The following XKR4 variants were observed in gnomAD, a reference collection of about 807,000 sequenced individuals.
The protein encoded by XKR4 is XK related 4, also known as XK-related protein 4.
Under a neutral mutation model 53.9 loss-of-function variants are expected in XKR4, and 12 were observed. That is an observed-to-expected ratio of 0.22 (90% CI 0.14 to 0.36). The LOEUF (loss-of-function observed/expected upper bound fraction) is 0.36, where lower values mean the gene tolerates loss of function less well. Ranked by LOEUF, XKR4 falls within the 10% of genes least tolerant of loss-of-function variation. The pLI is 1.00. For missense variants in XKR4, 799 were observed against 859.5 expected (o/e 0.93, Z 0.88); for synonymous variants, 354 against 362.4 (o/e 0.98, Z 0.26).
chr8:55,229,962 T>C (rs1311045236), intron 1 of XKR4, among the ~76,000 whole-genome samples: 1 of 152,028 alleles, frequency 6.6e-6, no homozygotes, highest in Non-Finnish European at 1.5e-5. Flanking sequence ...GGCCTTGGCA[T>C]CGTCTTTGCT....
At chr8:55,188,336 T>C (rs1263978428) in intron 1 of XKR4, among the ~76,000 whole-genome samples, 3 of 152,192 alleles carry the variant, frequency 2.0e-5, no homozygotes, top group Non-Finnish European at 2.9e-5. Context: ...ATGGTGGGAA[T>C]TGAATTTACC....
chr8:55,215,733 G>T (rs993482755), intron 1 of XKR4, among the ~76,000 whole-genome samples: 4 of 152,036 alleles, frequency 2.6e-5, no homozygotes, highest in Admixed American at 6.6e-5. Context: ...CAGAAACTAG[G>T]ACAAGAACAT....
At chr8:55,149,978 A>T (rs1816820250) in intron 1 of XKR4, among the ~76,000 whole-genome samples, 1 of 152,152 alleles carries the variant, frequency 6.6e-6, no homozygotes, top group Non-Finnish European at 1.5e-5. Context: ...CAAGGGGAAA[A>T]CCTGCTCTTC....
At chr8:55,429,736 A>C (rs1805072657) in intron 2 of XKR4, among the ~76,000 whole-genome samples, 1 of 151,940 alleles carries the variant, frequency 6.6e-6, no homozygotes, top group South Asian at 2.1e-4. Flanking sequence ...CTTTCTGGAA[A>C]AAAAAAAAGA....
chr8:55,342,775 TG>T (rs1803575085), intron 1 of XKR4, among the ~76,000 whole-genome samples: 1 of 152,228 alleles, frequency 6.6e-6, no homozygotes, highest in Admixed American at 6.5e-5. Context: ...GCAAGCCCCG[TG>T]AAACTCCTTA....
intron 1 of XKR4, chr8:55,140,050 T>G: frequency 3.1e-6 from 1 of 319,192 alleles, no homozygotes; most frequent in South Asian, 2.6e-5. Context: ...CTGAGAAAGA[T>G]TCTCATCCTA....
intron 1 of XKR4, among the ~76,000 whole-genome samples, chr8:55,218,195 T>C (rs56158920): frequency 0.24 from 36,036 of 152,120 alleles, 4,730 homozygotes; most frequent in East Asian, 0.47. Flanking sequence ...ATCTGCACAA[T>C]GTCTTACAGC....
At chr8:55,369,452 C>A (rs111651058) in intron 2 of XKR4, among the ~76,000 whole-genome samples, 4 of 54,030 alleles carry the variant, frequency 7.4e-5, no homozygotes, top group Non-Finnish European at 1.3e-4. Context: ...AAAGGAGGAA[C>A]GGGAGGGAAA....
chr8:55,148,585 A>G (rs1816801847), intron 1 of XKR4, among the ~76,000 whole-genome samples: 1 of 152,196 alleles, frequency 6.6e-6, no homozygotes, highest in Non-Finnish European at 1.5e-5. Context: ...TGCATGTCAG[A>G]GCATGAGGTA....
chr8:55,150,675 T>G (rs991897422), intron 1 of XKR4, among the ~76,000 whole-genome samples: 21 of 152,162 alleles, frequency 1.4e-4, no homozygotes, highest in African/African-American at 2.9e-4. Context: ...ACAATTTTTT[T>G]TGTGTGGACA....
At chr8:55,386,462 A>T (rs1804316935) in intron 2 of XKR4, among the ~76,000 whole-genome samples, 1 of 152,236 alleles carries the variant, frequency 6.6e-6, no homozygotes, top group African/African-American at 2.4e-5. Context: ...TGGCTGAGCC[A>T]GAAAGACGTT....
intron 2 of XKR4, among the ~76,000 whole-genome samples, chr8:55,478,263 G>T (rs1447616648): frequency 6.6e-6 from 1 of 151,992 alleles, no homozygotes; most frequent in Non-Finnish European, 1.5e-5. Flanking sequence ...CTTAAAAAAA[G>T]AATTTTCAAC....
chr8:55,283,551 G>T (rs1818868469), intron 1 of XKR4, among the ~76,000 whole-genome samples: 1 of 152,188 alleles, frequency 6.6e-6, no homozygotes, highest in East Asian at 1.9e-4. Flanking sequence ...TTAAAATTAT[G>T]CAGCAAATGA....
At chr8:55,396,667 CG>C (rs1804523507) in intron 2 of XKR4, among the ~76,000 whole-genome samples, 1 of 151,984 alleles carries the variant, frequency 6.6e-6, no homozygotes, top group Admixed American at 6.5e-5. Flanking sequence ...GGAGGTAAAG[CG>C]GAACTGGAAA....
intron 2 of XKR4, among the ~76,000 whole-genome samples, chr8:55,456,075 A>C (rs1468437029): frequency 6.6e-6 from 1 of 152,212 alleles, no homozygotes; most frequent in African/African-American, 2.4e-5. Flanking sequence ...ACAATTACTA[A>C]GCATGCAAAT....
At chr8:55,425,598 A>G (rs939041062) in intron 2 of XKR4, among the ~76,000 whole-genome samples, 2 of 152,122 alleles carry the variant, frequency 1.3e-5, no homozygotes, top group Non-Finnish European at 2.9e-5. Context: ...CCATTCTTCC[A>G]TCATTTCCTC....
Position 55,524,307 on chromosome 8 carries a change from A to G in XKR4, c.*80A>G. ...TGTGGCCATAATGACACTTCATCCTAGAGCAGGGCAGTGAGCCGTGAAGTT... is the reference window on the plus strand; with the variant it reads ...TGTGGCCATAATGACACTTCATCCTGGAGCAGGGCAGTGAGCCGTGAAGTT... On this transcript the variant is annotated 3_prime_UTR_variant, in exon 3 of 3. Coordinates refer to ENST00000327381, the MANE Select transcript of XKR4 (RefSeq NM_052898.2). 2 of 1,372,608 alleles carry G rather than the reference A, an allele frequency of 1.5e-6. No homozygotes were observed. Among genetic ancestry groups the G allele is most frequent in the African/African-American group, 1.4e-5 (1 of 69,280 alleles). 85.0% of individuals were successfully genotyped at this position (1,372,608 alleles called of 1,614,324 possible).
At chr8:55,387,712 C>A (rs573998632) in intron 2 of XKR4, among the ~76,000 whole-genome samples, 1 of 152,304 alleles carries the variant, frequency 6.6e-6, no homozygotes, top group East Asian at 1.9e-4. Flanking sequence ...AAGTGGGAGA[C>A]TGGTGGGAGA....
At chr8:55,445,394 G>A (rs886090730) in intron 2 of XKR4, among the ~76,000 whole-genome samples, 1 of 152,194 alleles carries the variant, frequency 6.6e-6, no homozygotes, top group African/African-American at 2.4e-5. Context: ...TTGGGTGGGA[G>A]AGGCAAATTA....
Sources: allele counts gnomAD v4.1 joint callset (sites outside exome capture counted in the v4.1 genomes callset), GRCh38; gene constraint gnomAD v4.1.1; transcripts MANE v1.5; gene names NCBI Gene and HGNC (gene_info 2026-07-23, HGNC 2026-07-21).